S100PBP: variants seen among roughly 807,000 people sequenced by gnomAD.
S100PBP encodes S100P-binding protein.
Under a neutral mutation model 39.9 loss-of-function variants are expected in S100PBP, and 15 were observed. The ratio of observed to expected loss-of-function variants is 0.38; its 90% confidence interval spans 0.25 to 0.58. The LOEUF (loss-of-function observed/expected upper bound fraction) is 0.58. Ranked by LOEUF, S100PBP falls within the 20% of genes least tolerant of loss-of-function variation. The pLI, the probability that S100PBP is intolerant of heterozygous loss-of-function variation, is 0.70. For synonymous variants in S100PBP, 178 were observed against 180.3 expected (o/e 0.99, Z 0.10); for missense variants, 504 against 487.3 (o/e 1.03, Z -0.32).
chr1:32,824,827 C>CATATATATATATATATATATATATATAT (rs56900503), intron 1 of S100PBP: 118 of 129,564 alleles, frequency 9.1e-4, no homozygotes, highest in African/African-American at 3.0e-3. Flanking sequence ...TTTTTCTATA[C>CATATATATATATATATATATATATATAT]ATATATATAT....
At position 32,826,079 on chromosome 1, in the gene S100PBP, T is replaced by C. The variant is rs1408710373; in HGVS notation, c.-2-19T>C. ...GGTTATTTTCTCTTCCTCAGTGAAA[T>C]TGTCTCTTATTTCTCCAGAAATGAT... On this transcript the variant is annotated intron_variant, in intron 2 of 6. Coordinates refer to ENST00000373475, the MANE Select transcript of S100PBP (RefSeq NM_022753.4). 13 of 1,545,862 alleles carry C rather than the reference T, an allele frequency of 8.4e-6. No homozygotes were observed. The highest frequency in any genetic ancestry group is 1.4e-5 in the African/African-American group (1 of 72,740).
At chr1:32,848,232 G>A (rs546108479) in intron 5 of S100PBP, among the ~76,000 whole-genome samples, 8 of 152,166 alleles carry the variant, frequency 5.3e-5, no homozygotes, top group East Asian at 3.9e-4. Context: ...GCTTGAAACC[G>A]GAAGGCAGAG....
chr1:32,826,871 G>C lies in S100PBP; in HGVS notation c.772G>C (p.Gly258Arg), dbSNP rs1639356796. ...TATGGAGTTATCCTGCAGAAATGGTGGTTCACACAAGTCAAGTTGTGAAAT... is the reference window on the plus strand; with the variant it reads ...TATGGAGTTATCCTGCAGAAATGGTCGTTCACACAAGTCAAGTTGTGAAAT... ...PNMELSCRNG[G>R]SHKSSCEMRS... The change falls in exon 3 of 7, where the codon GGT becomes CGT. Residue 258 changes from glycine (G) to arginine (R), a missense_variant. By Grantham distance (125) the Gly-to-Arg change is moderately radical. Coordinates refer to ENST00000373475, the MANE Select transcript of S100PBP (RefSeq NM_022753.4). 6.2e-7 allele frequency: 1 copy of C among 1,610,304 alleles called. No individual in the cohort carries two copies. The highest frequency in any genetic ancestry group is 2.2e-5 in the East Asian group (1 of 44,874).
At chr1:32,841,166 A>AT (rs1231178043) in intron 5 of S100PBP, among the ~76,000 whole-genome samples, 137 of 151,976 alleles carry the variant, frequency 9.0e-4, no homozygotes, top group African/African-American at 3.2e-3. Flanking sequence ...ATCTCAAAAA[A>AT]AAAAAAAATA....
At chr1:32,841,311 TA>T (rs1339844891) in intron 5 of S100PBP, among the ~76,000 whole-genome samples, 1 of 152,216 alleles carries the variant, frequency 6.6e-6, no homozygotes, top group African/African-American at 2.4e-5. Context: ...TTCATTCCCA[TA>T]AGTGTCTTCT....
At position 32,856,338 on chromosome 1, in the gene S100PBP, C is replaced by CCG. The variant is rs1640818397; in HGVS notation, c.*301_*302insGC. ...CTGCCTCCTGAAAGCCAGCATTAAGCCAGAACACCCAGGTTCAAGCAAAAG... is the reference window on the plus strand; with the variant it reads ...CTGCCTCCTGAAAGCCAGCATTAAGCCGCAGAACACCCAGGTTCAAGCAAAAG... On this transcript the variant is annotated 3_prime_UTR_variant, in exon 7 of 7. Transcript: ENST00000373475. 3.7e-5 allele frequency: 7 copies of CCG among 187,630 alleles called. No homozygotes were observed. Among genetic ancestry groups the CCG allele is most frequent in the Non-Finnish European group, 7.9e-5 (7 of 89,126 alleles). The allele number at this position is 187,630 out of a possible 1,614,324, so 11.6% of individuals were successfully genotyped here.
intron 1 of S100PBP, among the ~76,000 whole-genome samples, chr1:32,824,238 A>T (rs1639219787): frequency 6.6e-6 from 1 of 151,830 alleles, no homozygotes; most frequent in Admixed American, 6.6e-5. Context: ...CATGAACTAA[A>T]GTTAAAGCTC....
intron 4 of S100PBP, among the ~76,000 whole-genome samples, chr1:32,829,233 G>C (rs989682752): frequency 6.6e-6 from 1 of 152,144 alleles, no homozygotes; most frequent in Non-Finnish European, 1.5e-5. Context: ...GTCAGTATGA[G>C]TATGGGCCAG....
intron 5 of S100PBP, among the ~76,000 whole-genome samples, chr1:32,848,004 C>G: frequency 6.6e-6 from 1 of 152,134 alleles, no homozygotes; most frequent in East Asian, 1.9e-4. Flanking sequence ...GAACTACACG[C>G]TCCGTCAGAA....
intron 5 of S100PBP, among the ~76,000 whole-genome samples, chr1:32,840,350 CTGTT>C (rs957322446): frequency 2.0e-5 from 3 of 151,448 alleles, no homozygotes; most frequent in African/African-American, 7.3e-5. Flanking sequence ...CCCCTATTTT[CTGTT>C]TGTTTGTTTA....
At chr1:32,827,289 A>G (rs1639372346) in intron 3 of S100PBP, among the ~76,000 whole-genome samples, 1 of 152,156 alleles carries the variant, frequency 6.6e-6, no homozygotes, top group South Asian at 2.1e-4. Context: ...AATTACTAAG[A>G]TGGTAATTCT....
intron 1 of S100PBP, among the ~76,000 whole-genome samples, chr1:32,822,070 A>T (rs1639096065): frequency 6.6e-6 from 1 of 152,230 alleles, no homozygotes; most frequent in Admixed American, 6.5e-5. Flanking sequence ...CTTAAAAAAA[A>T]ATATGACATA....
At position 32,826,331 on chromosome 1, in the gene S100PBP, G is replaced by A. The variant is rs146460644; in HGVS notation, c.232G>A (p.Gly78Ser). ...SYEQSSGEDD[G>S]GHVEKGERGS... The stretch of plus-strand genomic sequence containing the variant: ...TGAGCAGTCTTCTGGGGAAGATGAT[G>A]GTGGGCATGTTGAGAAGGGAGAAAG... The change falls in exon 3 of 7, where the codon GGT becomes AGT. Residue 78 changes from glycine to serine, a missense_variant. Coordinates refer to ENST00000373475, the MANE Select transcript of S100PBP (RefSeq NM_022753.4). 165 of 1,613,974 alleles carry A rather than the reference G, an allele frequency of 1.0e-4. No individual in the cohort carries two copies. The highest frequency in any genetic ancestry group is 1.3e-4 in the Non-Finnish European group (148 of 1,180,010).
intron 1 of S100PBP, among the ~76,000 whole-genome samples, chr1:32,822,077 CATA>C (rs1449652086): frequency 2.0e-5 from 3 of 151,890 alleles, no homozygotes; most frequent in Non-Finnish European, 4.4e-5. Flanking sequence ...AAAAATATGA[CATA>C]AGATAATTGG....
intron 1 of S100PBP, 155 bp from the exon 2 acceptor site, chr1:32,825,158 T>G: frequency 6.6e-6 from 1 of 152,174 alleles, no homozygotes; most frequent in East Asian, 1.9e-4. Flanking sequence ...ATTTCTTTGG[T>G]GTGCTTGACT....
intron 5 of S100PBP, among the ~76,000 whole-genome samples, chr1:32,832,489 A>G (rs1259380862): frequency 6.6e-6 from 1 of 152,178 alleles, no homozygotes; most frequent in Non-Finnish European, 1.5e-5. Context: ...CAGCATTACA[A>G]ATTACTCTAA....
Position 32,851,530 on chromosome 1 carries a change from G to A in S100PBP, c.1025-1549G>A, listed in dbSNP as rs573891155. ...AAAATACAAAAATTAGCCAGGCATG[G>A]TGGCAGGCGCCTGTAATCCCAGCTA... On this transcript the variant is annotated intron_variant, in intron 5 of 6. Coordinates refer to ENST00000373475, the MANE Select transcript of S100PBP (RefSeq NM_022753.4). Among the ~76,000 whole-genome samples the A allele has an allele frequency of 3.4e-4, 52 of 152,132 alleles. No homozygotes were observed. The South Asian group carries it at 6.7e-3, about 19-fold the overall frequency.
In S100PBP at chr1:32,842,236, T is replaced by TATATATATATACAC. The variant is rs372174677; in HGVS notation, c.1025-10842_1025-10841insTATATATATACACA. Reference sequence around the variant, plus strand: ...ATATATATATGTATATATATATATATACACACACACACACACACACACACA... The same window carrying TATATATATATACAC: ...ATATATATATGTATATATATATATATATATATATATACACACACACACACACACACACACACACA... On this transcript the variant is annotated intron_variant, in intron 5 of 6. Transcript: ENST00000373475. Among the ~76,000 whole-genome samples, 543 of 80,830 alleles carry TATATATATATACAC rather than the reference T, an allele frequency of 6.7e-3. 1 individual carries two copies. Among genetic ancestry groups the TATATATATATACAC allele is most frequent in the Admixed American group, 0.011 (64 of 6,078 alleles). 53.0% of individuals were successfully genotyped at this position (80,830 alleles called of 152,430 possible).
At chr1:32,842,046 G>A (rs1047944550) in intron 5 of S100PBP, among the ~76,000 whole-genome samples, 5 of 151,006 alleles carry the variant, frequency 3.3e-5, no homozygotes, top group South Asian at 2.1e-4. Flanking sequence ...AAGGTTAGCC[G>A]GGCATGGTGA....
Sources: allele counts gnomAD v4.1 joint callset (sites outside exome capture counted in the v4.1 genomes callset), GRCh38; gene constraint gnomAD v4.1.1; transcripts MANE v1.5; gene names NCBI Gene and HGNC (gene_info 2026-07-23, HGNC 2026-07-21).